Variants in PWP1 observed in about 807,000 individuals in gnomAD.
PWP1 encodes PWP1 homolog, endonuclein.
A neutral mutation model predicts 69.9 loss-of-function variants in PWP1; 47 were observed. That is an observed-to-expected ratio of 0.67 (90% confidence interval 0.53 to 0.86). PWP1 has a LOEUF of 0.86. Among genes scored for constraint, PWP1 ranks in the 40% least tolerant of loss-of-function variants. The pLI is 0.00. For synonymous variants in PWP1, 222 were observed against 208.2 expected, an observed-to-expected ratio of 1.07 and a Z score of -0.57; for missense variants, 551 against 608.8, an observed-to-expected ratio of 0.91 and a Z score of 1.00.
chr12:107,707,704 A>T (rs1889851613), intron 11 of PWP1, among the ~76,000 whole-genome samples: 1 of 152,084 alleles, frequency 6.6e-6, no homozygotes, highest in African/African-American at 2.4e-5. Context: ...ACGTTTATTG[A>T]TGTGTGTATG....
intron 9 of PWP1, among the ~76,000 whole-genome samples, 163 bp downstream of exon 9, chr12:107,703,194 A>G (rs1323918629): frequency 6.6e-6 from 1 of 152,204 alleles, no homozygotes; most frequent in Non-Finnish European, 1.5e-5. Context: ...CCTGTGTGGT[A>G]GGTATAATGC....
At position 107,697,609 on chromosome 12, in the gene PWP1, A is replaced by C. The variant is rs368653527; in HGVS notation, c.744+12A>C. On this transcript the variant is annotated intron_variant, in intron 7 of 14. Coordinates refer to ENST00000412830, the MANE Select transcript of PWP1 (RefSeq NM_007062.3). The stretch of plus-strand genomic sequence containing the variant: ...AGAAAGGAAAGAAGGTAAAGAAGTT[A>C]ATAAATATTTAAACTCTAATGACAG... The C allele has an allele frequency of 6.3e-7, 1 of 1,596,118 alleles. No homozygotes were observed. The highest frequency in any genetic ancestry group is 8.5e-7 in the Non-Finnish European group (1 of 1,171,862).
rs1177748260 is a variant in PWP1, at chr12:107,704,758, G to A, written c.1077+11G>A. ...CCTTGTCATTTCTTGGTAAGAGTAC[G>A]AATGTTGTTGTTTTGCTTTTCTAGG... On this transcript the variant is annotated intron_variant, in intron 11 of 14. Coordinates refer to ENST00000412830, the MANE Select transcript of PWP1 (RefSeq NM_007062.3). The A allele has an allele frequency of 3.1e-6, 5 of 1,604,058 alleles. No individual in the cohort carries two copies. The highest frequency in any genetic ancestry group is 4.5e-5 in the East Asian group (2 of 44,794).
Position 107,712,883 on chromosome 12 carries a change from C to A in PWP1, c.*663C>A, listed in dbSNP as rs1217906849. On this transcript the variant is annotated 3_prime_UTR_variant, in exon 15 of 15. Transcript: ENST00000412830. ...GTGTGAATAAGTCTTTGCTCTCCAC[C>A]TAACAAGGGACAGTTTTAATTATAG... is the stretch of plus-strand genomic sequence containing the variant. 2 of 152,194 alleles carry A rather than the reference C, an allele frequency of 1.3e-5. No individual in the cohort carries two copies. Among genetic ancestry groups the A allele is most frequent in the African/African-American group, 4.8e-5 (2 of 41,440 alleles). The allele number at this position is 152,194 out of a possible 1,614,324, so 9.4% of individuals were successfully genotyped here. A position where few individuals can be genotyped will look rare whatever the true frequency, so the allele number is the denominator to read the frequency against.
chr12:107,712,736 A>C lies in PWP1; in HGVS notation c.*516A>C, dbSNP rs1378038151. The C allele has an allele frequency of 6.5e-6, 1 of 152,710 alleles. No homozygotes were observed. The highest frequency in any genetic ancestry group is 2.4e-5 in the African/African-American group (1 of 41,462). The allele number at this position is 152,710 out of a possible 1,614,324, so 9.5% of individuals were successfully genotyped here. A position where few individuals can be genotyped will look rare whatever the true frequency, so the allele number is the denominator to read the frequency against. The stretch of plus-strand genomic sequence containing the variant: ...GTAGAGTTTGATAAGTAAAAGTTAC[A>C]TGCCCCTGTTTTCCTAGCATGATAT... On this transcript the variant is annotated 3_prime_UTR_variant, in exon 15 of 15. Coordinates refer to ENST00000412830, the MANE Select transcript of PWP1 (RefSeq NM_007062.3).
chr12:107,706,128 T>A (rs1219992080), intron 11 of PWP1, among the ~76,000 whole-genome samples: 1 of 152,372 alleles, frequency 6.6e-6, no homozygotes, highest in South Asian at 2.1e-4. Flanking sequence ...TGGTTTTGAT[T>A]TGCATTTCTC....
At chr12:107,686,981 A>T (rs1055843417) in intron 1 of PWP1, among the ~76,000 whole-genome samples, 2 of 70,710 alleles carry the variant, frequency 2.8e-5, no homozygotes, top group Non-Finnish European at 2.8e-5. Context: ...AAAAAAAAAA[A>T]AAAAAAAAAA....
chr12:107,686,163 T>G, intron 1 of PWP1, 192 bp downstream of exon 1: 1 of 630,936 alleles, frequency 1.6e-6, no homozygotes, highest in South Asian at 1.9e-5. Context: ...GCCTGGAGAG[T>G]CAAGGGCCGC....
chr12:107,702,867 A>G (rs2136281897), intron 8 of PWP1, 68 bp from the exon 9 acceptor site: 3 of 969,830 alleles, frequency 3.1e-6, no homozygotes, highest in South Asian at 2.6e-5. Flanking sequence ...TGTAAATGCA[A>G]TCCTTTTCTC....
rs1433979491 is a variant in PWP1 at position 107,696,527 on chromosome 12, G to A, written c.556G>A (p.Ala186Thr). Residue 186 changes from alanine (A) to threonine (T), a missense_variant, in exon 6 of 15, where the codon GCA (alanine) becomes ACA (threonine). By Grantham distance (58) the Ala-to-Thr change is moderately conservative. Transcript: ENST00000412830. ...TGTACACCATGATATACTCTTGTCT[G>A]CATATCCTCTGAGTGTGGAATGGCT... ...FYVHHDILLS[A>T]YPLSVEWLNF... 1 of 1,613,944 alleles carries A rather than the reference G, an allele frequency of 6.2e-7. No individual in the cohort carries two copies. Among genetic ancestry groups the A allele is most frequent in the Non-Finnish European group, 8.5e-7 (1 of 1,179,996 alleles).
intron 3 of PWP1, among the ~76,000 whole-genome samples, chr12:107,692,121 C>T (rs947891449): frequency 3.3e-5 from 5 of 152,168 alleles, no homozygotes; most frequent in East Asian, 1.9e-4. Context: ...AGCTCTTTCT[C>T]GTGTAGCAGA....
intron 1 of PWP1, 81 bp downstream of exon 1, chr12:107,686,052 C>G (rs949069374): frequency 2.7e-6 from 4 of 1,504,436 alleles, no homozygotes; most frequent in Non-Finnish European, 3.7e-6. Flanking sequence ...AACGTGGACC[C>G]GGAACTCGGG....
At position 107,712,965 on chromosome 12, in the gene PWP1, A is replaced by ATAAT. The variant is rs1445362592; in HGVS notation, c.*746_*749dup. 6.6e-6 allele frequency: 1 copy of ATAAT among 152,228 alleles called. No homozygotes were observed. Among genetic ancestry groups the ATAAT allele is most frequent in the African/African-American group, 2.4e-5 (1 of 41,462 alleles). 9.4% of individuals were successfully genotyped at this position (152,228 alleles called of 1,614,324 possible). A position where few individuals can be genotyped will look rare whatever the true frequency, so the allele number is the denominator to read the frequency against. ...GGCATTAAAAATCGTAATTAGTTTG[A>ATAAT]TAATATGAGACCCAACCCTAACTTG... On this transcript the variant is annotated 3_prime_UTR_variant, in exon 15 of 15. Coordinates refer to ENST00000412830, the MANE Select transcript of PWP1 (RefSeq NM_007062.3).
At chr12:107,707,122 T>C (rs1002461311) in intron 11 of PWP1, among the ~76,000 whole-genome samples, 18 of 152,286 alleles carry the variant, frequency 1.2e-4, no homozygotes, top group African/African-American at 4.1e-4. Context: ...TCACATTCCT[T>C]GTAAGTTGGA....
chr12:107,688,082 G>T (rs561569476), intron 1 of PWP1, among the ~76,000 whole-genome samples: 6 of 146,354 alleles, frequency 4.1e-5, no homozygotes, highest in Non-Finnish European at 6.0e-5. Flanking sequence ...TCATGTAAGG[G>T]TGATTTGTTA....
At chr12:107,701,669 C>T (rs1470131792) in intron 8 of PWP1, among the ~76,000 whole-genome samples, 1 of 151,564 alleles carries the variant, frequency 6.6e-6, no homozygotes, top group East Asian at 2.0e-4. Flanking sequence ...ATTCATTTGT[C>T]CCTGAACCAT....
At position 107,696,611 on chromosome 12, in the gene PWP1, A is replaced by G. The variant is rs763556500; in HGVS notation, c.613+27A>G. 3.2e-5 allele frequency: 51 copies of G among 1,612,640 alleles called. 1 individual carries two copies. Among genetic ancestry groups the G allele is most frequent in the Middle Eastern group, 1.6e-4 (1 of 6,068 alleles). ...TAATTAGAAAACTTAAGGTTGTTCA[A>G]TGATTTCCAGTCTTATGTATTTTCT... On this transcript the variant is annotated intron_variant, in intron 6 of 14. Coordinates refer to ENST00000412830, the MANE Select transcript of PWP1 (RefSeq NM_007062.3).
intron 10 of PWP1, among the ~76,000 whole-genome samples, chr12:107,704,219 T>A (rs1340391208): frequency 1.3e-5 from 2 of 152,252 alleles, no homozygotes; most frequent in African/African-American, 4.8e-5. Context: ...TTTCTTGTGA[T>A]TCACGCAGAA....
Position 107,685,947 on chromosome 12 carries a change from C to T in PWP1, c.48C>T (p.Gly16=). The change falls in exon 1 of 15, where the codon GGC becomes GGT. Residue 16 remains glycine (G), a synonymous_variant. Transcript: ENST00000412830. ...CGTGCGTGGCCTGGGTCCGCTGCGG[C>T]GTGGCCAAAGAGACACCAGACAAGG... ...QVTCVAWVRC[G]VAKETPDKVE... is the part of the protein sequence containing the mutation. 1.2e-6 allele frequency: 2 copies of T among 1,613,936 alleles called. No individual in the cohort carries two copies. Among genetic ancestry groups the T allele is most frequent in the Non-Finnish European group, 1.7e-6 (2 of 1,179,976 alleles).
Sources: allele counts gnomAD v4.1 joint callset (sites outside exome capture counted in the v4.1 genomes callset), GRCh38; gene constraint gnomAD v4.1.1; transcripts MANE v1.5; gene names NCBI Gene and HGNC (gene_info 2026-07-23, HGNC 2026-07-21).